The following NLGN1 variants were observed in gnomAD, a reference collection of about 807,000 sequenced individuals.
NLGN1 encodes the protein neuroligin-1.
In NLGN1, 12 loss-of-function variants were observed where a neutral mutation model predicts 65.5. The ratio of observed to expected loss-of-function variants is 0.18; its 90% CI spans 0.12 to 0.30. The LOEUF (loss-of-function observed/expected upper bound fraction) is 0.30, where lower values mean the gene tolerates loss of function less well. Ranked by LOEUF, NLGN1 falls within the 10% of genes least tolerant of loss-of-function variation. The pLI is 1.00. For synonymous variants in NLGN1, 350 were observed against 359.5 expected (o/e 0.97, Z 0.30); for missense variants, 750 against 1,007.1 (o/e 0.74, Z 3.46).
intron 3 of NLGN1, among the ~76,000 whole-genome samples, chr3:173,771,512 G>A: frequency 6.6e-6 from 1 of 152,038 alleles, no homozygotes; most frequent in Admixed American, 6.6e-5. Context: ...ATTTTTAATT[G>A]AGGGGCAAAA....
At chr3:174,151,965 G>A (rs1357210480) in intron 4 of NLGN1, among the ~76,000 whole-genome samples, 3 of 152,046 alleles carry the variant, frequency 2.0e-5, no homozygotes, top group African/African-American at 4.8e-5. Context: ...ACCTCATAAT[G>A]TGAATAGAAA....
chr3:173,959,645 G>A (rs1405048014), intron 4 of NLGN1, among the ~76,000 whole-genome samples: 6 of 152,106 alleles, frequency 3.9e-5, no homozygotes, highest in African/African-American at 1.4e-4. Flanking sequence ...GGTCAACTTT[G>A]CAATAGATTC....
chr3:173,461,968 A>T (rs1347307769), intron 2 of NLGN1, among the ~76,000 whole-genome samples: 1 of 152,188 alleles, frequency 6.6e-6, no homozygotes, highest in African/African-American at 2.4e-5. Context: ...AAGCCTGTAA[A>T]GTTGTGCTTC....
intron 4 of NLGN1, among the ~76,000 whole-genome samples, chr3:173,883,288 G>A (rs562668634): frequency 3.3e-5 from 5 of 152,306 alleles, no homozygotes; most frequent in East Asian, 3.9e-4. Flanking sequence ...TCAAAAGGAG[G>A]CGAGAGATAA....
intron 2 of NLGN1, among the ~76,000 whole-genome samples, chr3:173,601,467 A>G (rs1048517078): frequency 6.6e-6 from 1 of 152,048 alleles, no homozygotes; most frequent in Admixed American, 6.6e-5. Flanking sequence ...AGAATAATAT[A>G]TAATATTCTT....
At chr3:173,456,549 A>T (rs959787407) in intron 2 of NLGN1, among the ~76,000 whole-genome samples, 3 of 152,218 alleles carry the variant, frequency 2.0e-5, no homozygotes, top group African/African-American at 7.2e-5. Context: ...TACAGGAAAC[A>T]TTCAATGATT....
chr3:173,606,400 A>G (rs1371614547), intron 3 of NLGN1, among the ~76,000 whole-genome samples: 1 of 152,058 alleles, frequency 6.6e-6, no homozygotes, highest in African/African-American at 2.4e-5. Flanking sequence ...AATCACTCAT[A>G]GGAGAGTATG....
intron 4 of NLGN1, among the ~76,000 whole-genome samples, chr3:174,261,000 T>C (rs1019198012): frequency 2.6e-5 from 4 of 151,980 alleles, no homozygotes; most frequent in East Asian, 2.0e-4. Flanking sequence ...GTTGTAGATA[T>C]GCGGTGTTAT....
intron 4 of NLGN1, among the ~76,000 whole-genome samples, chr3:174,228,356 C>T (rs562731930): frequency 6.6e-6 from 1 of 152,152 alleles, no homozygotes; most frequent in South Asian, 2.1e-4. Context: ...TGCAACTTCA[C>T]ATAAAAGAGA....
intron 3 of NLGN1, chr3:173,695,654 A>C: frequency 4.8e-6 from 1 of 206,710 alleles, no homozygotes; most frequent in Non-Finnish European, 1.0e-5. Context: ...TATACTGTGG[A>C]CTTATAAAAG....
chr3:173,728,251 A>G (rs1039756363), intron 3 of NLGN1, among the ~76,000 whole-genome samples: 4 of 152,156 alleles, frequency 2.6e-5, no homozygotes, highest in African/African-American at 4.8e-5. Context: ...ACAAATGAAT[A>G]AGACGTGGCA....
chr3:173,449,847 G>A (rs1721143937), intron 2 of NLGN1, among the ~76,000 whole-genome samples: 1 of 152,040 alleles, frequency 6.6e-6, no homozygotes, highest in South Asian at 2.1e-4. Context: ...GATCTTTGTT[G>A]GTTTAAAGTC....
At chr3:174,171,465 T>A (rs1304931529) in intron 4 of NLGN1, among the ~76,000 whole-genome samples, 4 of 152,182 alleles carry the variant, frequency 2.6e-5, no homozygotes, top group Non-Finnish European at 5.9e-5. Flanking sequence ...GCACACTTTA[T>A]GATATTGGCA....
At chr3:174,223,565 C>G (rs1739051256) in intron 4 of NLGN1, among the ~76,000 whole-genome samples, 1 of 152,104 alleles carries the variant, frequency 6.6e-6, no homozygotes, top group Non-Finnish European at 1.5e-5. Context: ...TAACACCTGC[C>G]CCTGGCAACT....
chr3:173,763,738 A>G (rs1405673060), intron 3 of NLGN1, among the ~76,000 whole-genome samples: 2 of 152,082 alleles, frequency 1.3e-5, no homozygotes, highest in African/African-American at 4.8e-5. Context: ...AGGAAGAAAA[A>G]TATTGAAAAG....
chr3:173,934,021 CTATTAG>C (rs1257054996), intron 4 of NLGN1, among the ~76,000 whole-genome samples: 2 of 151,568 alleles, frequency 1.3e-5, no homozygotes, highest in Non-Finnish European at 2.9e-5. Context: ...ATACACAGTG[CTATTAG>C]TATTAGGAGA....
At chr3:174,063,674 A>G (rs914912916) in intron 4 of NLGN1, among the ~76,000 whole-genome samples, 1 of 152,012 alleles carries the variant, frequency 6.6e-6, no homozygotes, top group African/African-American at 2.4e-5. Context: ...GTGTGTATTT[A>G]TGTGTGAGAG....
intron 4 of NLGN1, among the ~76,000 whole-genome samples, chr3:174,000,870 T>A (rs1723145754): frequency 6.6e-6 from 1 of 152,140 alleles, no homozygotes; most frequent in African/African-American, 2.4e-5. Flanking sequence ...GGGCCAGAAT[T>A]AAATTCTGCT....
chr3:173,657,032 A>G (rs1196965197), intron 3 of NLGN1, among the ~76,000 whole-genome samples: 3 of 152,054 alleles, frequency 2.0e-5, no homozygotes, highest in Non-Finnish European at 4.4e-5. Context: ...TTTGTAAACC[A>G]TTATATAAAA....
Sources: allele counts gnomAD v4.1 joint callset (sites outside exome capture counted in the v4.1 genomes callset), GRCh38; gene constraint gnomAD v4.1.1; transcripts MANE v1.5; gene names NCBI Gene and HGNC (gene_info 2026-07-23, HGNC 2026-07-21).